Variants in CNTNAP5 observed in about 807,000 individuals in gnomAD.
The protein encoded by CNTNAP5 is contactin-associated protein-like 5.
Under a neutral mutation model 150.2 loss-of-function variants are expected in CNTNAP5, and 72 were observed. That is an observed-to-expected ratio of 0.48 (90% confidence interval 0.40 to 0.58). The LOEUF is 0.58. Among genes scored for constraint, CNTNAP5 ranks in the 20% least tolerant of loss-of-function variants. The probability of loss-of-function intolerance (pLI) is 0.00; values close to 1 mark genes in which losing one functional copy is unlikely to be tolerated. For synonymous variants in CNTNAP5, 672 were observed against 619.8 expected, an observed-to-expected ratio of 1.08 and a Z score of -1.25; for missense variants, 1,636 against 1,626.2, an observed-to-expected ratio of 1.01 and a Z score of -0.10.
In CNTNAP5 at chr2:124,145,812, TAAAA is replaced by T; in HGVS notation, c.83-75880_83-75877del. 6.7e-4 allele frequency among the ~76,000 whole-genome samples: 43 copies of T among 64,178 alleles called. 1 individual carries two copies. In the South Asian group the frequency reaches 0.015, roughly 22 times the overall value. The allele number at this position is 64,178 out of a possible 152,430, so 42.1% of individuals were successfully genotyped here. On this transcript the variant is annotated intron_variant, in intron 1 of 23. Transcript: ENST00000682447. ...AGTATAATAAAAAAAAAAAAAACAT[TAAAA>T]AAAAAAAAAAAAGAAGAAAAAAAAA...
chr2:124,497,468 A>T (rs1694177234), intron 7 of CNTNAP5, among the ~76,000 whole-genome samples: 1 of 152,240 alleles, frequency 6.6e-6, no homozygotes, highest in Non-Finnish European at 1.5e-5. Flanking sequence ...CAAAGCCAGC[A>T]TCCAAATGGA....
At chr2:124,338,216 T>G (rs577291613) in intron 3 of CNTNAP5, among the ~76,000 whole-genome samples, 3 of 152,288 alleles carry the variant, frequency 2.0e-5, no homozygotes, top group African/African-American at 7.2e-5. Context: ...ACATTGATTT[T>G]GTATCCTGAG....
intron 11 of CNTNAP5, among the ~76,000 whole-genome samples, chr2:124,592,133 G>A (rs1011950268): frequency 3.9e-5 from 6 of 152,032 alleles, no homozygotes; most frequent in Non-Finnish European, 7.4e-5. Flanking sequence ...GATGAACACC[G>A]AGGATGATTT....
At chr2:124,866,213 TC>T (rs1677628942) in intron 20 of CNTNAP5, among the ~76,000 whole-genome samples, 1 of 151,896 alleles carries the variant, frequency 6.6e-6, no homozygotes, top group African/African-American at 2.4e-5. Context: ...TGAGCAGAGA[TC>T]CCACCACTGC....
chr2:124,290,451 G>A (rs991709289), intron 3 of CNTNAP5, among the ~76,000 whole-genome samples: 3 of 152,126 alleles, frequency 2.0e-5, no homozygotes, highest in African/African-American at 7.2e-5. Context: ...ACCTACTGAT[G>A]CAACATAAAT....
At chr2:124,119,559 A>G (rs1240995833) in intron 1 of CNTNAP5, among the ~76,000 whole-genome samples, 2 of 152,120 alleles carry the variant, frequency 1.3e-5, no homozygotes, top group Non-Finnish European at 2.9e-5. Context: ...TTTGAGCAAA[A>G]CGAGCTCACC....
intron 13 of CNTNAP5, among the ~76,000 whole-genome samples, chr2:124,729,105 T>C (rs1206171384): frequency 6.6e-6 from 1 of 152,010 alleles, no homozygotes; most frequent in Non-Finnish European, 1.5e-5. Flanking sequence ...TGAGAAGTCA[T>C]GTAATGTCAC....
chr2:124,234,390 C>T (rs185736030), intron 2 of CNTNAP5, among the ~76,000 whole-genome samples: 1 of 152,288 alleles, frequency 6.6e-6, no homozygotes, highest in African/African-American at 2.4e-5. Context: ...GCAAGGTATT[C>T]ACTAGCAACA....
chr2:124,389,992 CAAT>C (rs35690843), intron 3 of CNTNAP5, among the ~76,000 whole-genome samples: 79,965 of 150,760 alleles, frequency 0.53, 22,522 homozygotes, highest in South Asian at 0.67. Context: ...ATAGTAATAA[CAAT>C]AATAATAATA....
chr2:124,529,955 C>A, intron 10 of CNTNAP5, among the ~76,000 whole-genome samples: 1 of 152,108 alleles, frequency 6.6e-6, no homozygotes, highest in East Asian at 1.9e-4. Flanking sequence ...CCCAACCGGG[C>A]ATCTTACATA....
intron 11 of CNTNAP5, among the ~76,000 whole-genome samples, chr2:124,588,149 TC>T (rs1696587806): frequency 7.1e-6 from 1 of 140,168 alleles, no homozygotes; most frequent in Admixed American, 7.1e-5. Flanking sequence ...CTTCCTTCCT[TC>T]CTTCCTTTTC....
intron 1 of CNTNAP5, among the ~76,000 whole-genome samples, chr2:124,035,492 T>C (rs1681189451): frequency 6.6e-6 from 1 of 152,204 alleles, no homozygotes. Flanking sequence ...GTCTTGTTTT[T>C]ATGTTTTATG....
intron 1 of CNTNAP5, among the ~76,000 whole-genome samples, chr2:124,057,448 ATTTTTT>A (rs556571236): frequency 7.3e-4 from 46 of 62,790 alleles, no homozygotes; most frequent in Non-Finnish European, 9.9e-4. Context: ...CGGCCAGCTA[ATTTTTT>A]TTTTTTTTTT....
intron 1 of CNTNAP5, among the ~76,000 whole-genome samples, chr2:124,043,458 A>C (rs1272030313): frequency 1.3e-5 from 2 of 152,128 alleles, no homozygotes; most frequent in African/African-American, 2.4e-5. Context: ...TAATTATTCC[A>C]CAAATACCTA....
chr2:124,721,901 T>C lies in CNTNAP5; in HGVS notation c.2078-25328T>C, dbSNP rs566073599. On this transcript the variant is annotated intron_variant, in intron 13 of 23. Coordinates refer to ENST00000682447, the MANE Select transcript of CNTNAP5 (RefSeq NM_001367498.1). ...AAGGTGCTGGCAGAAATGTTTTTTT[T>C]CCAACACCTGTCCCCTGAGTGTGCA... Among the ~76,000 whole-genome samples, 26 of 152,148 alleles carry C rather than the reference T, an allele frequency of 1.7e-4. 1 individual carries two copies. In the East Asian group the frequency reaches 5.1e-3, roughly 30 times the overall value.
At position 124,790,098 on chromosome 2, in the gene CNTNAP5, T is replaced by C; in HGVS notation, c.2949T>C (p.Cys983=). The C allele has an allele frequency of 6.2e-7, 1 of 1,613,902 alleles. No individual in the cohort carries two copies. The change falls in exon 18 of 24, where the codon TGT becomes TGC. Residue 983 remains cysteine (C), a synonymous_variant. Coordinates refer to ENST00000682447, the MANE Select transcript of CNTNAP5 (RefSeq NM_001367498.1). The stretch of plus-strand genomic sequence containing the variant: ...TGGAGAAGCACAATGGCTACCTGTG[T>C]GATTGCACCAATTCACCTTATGAAG... The part of the protein sequence containing the change: ...KCVEKHNGYL[C]DCTNSPYEGP...
intron 6 of CNTNAP5, among the ~76,000 whole-genome samples, chr2:124,449,803 C>T (rs919536266): frequency 1.3e-5 from 2 of 152,070 alleles, no homozygotes; most frequent in Admixed American, 6.5e-5. Flanking sequence ...GTAATAGCGG[C>T]GTTTGACATT....
intron 1 of CNTNAP5, among the ~76,000 whole-genome samples, chr2:124,086,446 G>A (rs1682694979): frequency 6.6e-6 from 1 of 151,338 alleles, no homozygotes; most frequent in African/African-American, 2.4e-5. Flanking sequence ...CTCGTGATCT[G>A]CCTGCCTTGG....
chr2:124,403,981 G>A (rs1008615808), intron 3 of CNTNAP5, among the ~76,000 whole-genome samples: 16 of 152,176 alleles, frequency 1.1e-4, no homozygotes, highest in Admixed American at 8.5e-4. Context: ...CCACCCCCGT[G>A]ATTCAATCAC....
Sources: allele counts gnomAD v4.1 joint callset (sites outside exome capture counted in the v4.1 genomes callset), GRCh38; gene constraint gnomAD v4.1.1; transcripts MANE v1.5; gene names NCBI Gene and HGNC (gene_info 2026-07-23, HGNC 2026-07-21).